Variants in PABPC4L observed in about 807,000 individuals in gnomAD.
PABPC4L encodes polyadenylate-binding protein 4-like.
For synonymous variants in PABPC4L, 169 were observed against 164.1 expected, an observed-to-expected ratio of 1.03 and a Z score of -0.23; for missense variants, 452 against 451.4, an observed-to-expected ratio of 1.00 and a Z score of -0.01.
the PABPC4L span, among the ~76,000 whole-genome samples, chr4:134,087,845 TAAATCTTTAGAGC>T: frequency 6.6e-6 from 1 of 152,136 alleles, no homozygotes; most frequent in African/African-American, 2.4e-5. Flanking sequence ...TAAAACATCA[TAAATCTTTAGAGC>T]AAGGCTTCTA....
At chr4:133,997,208 G>GTC in the PABPC4L span, among the ~76,000 whole-genome samples, 1 of 152,288 alleles carries the variant, frequency 6.6e-6, no homozygotes, top group Non-Finnish European at 1.5e-5. Context: ...AGAGTCAGGA[G>GTC]TCATACATCT....
At chr4:133,954,293 T>C in the PABPC4L span, among the ~76,000 whole-genome samples, 8 of 152,290 alleles carry the variant, frequency 5.3e-5, no homozygotes, top group East Asian at 1.5e-3. Flanking sequence ...TACTACGCTC[T>C]TTTTCTCCTT....
At chr4:134,084,298 C>CA in the PABPC4L span, among the ~76,000 whole-genome samples, 2 of 152,104 alleles carry the variant, frequency 1.3e-5, no homozygotes, top group African/African-American at 4.8e-5. Flanking sequence ...CCTCCCTCCT[C>CA]AGACTCCCAG....
the PABPC4L span, among the ~76,000 whole-genome samples, chr4:134,155,789 A>G: frequency 6.6e-6 from 1 of 151,982 alleles, no homozygotes; most frequent in Non-Finnish European, 1.5e-5. Flanking sequence ...TGTAATCTGA[A>G]TTTCTACACT....
the PABPC4L span, among the ~76,000 whole-genome samples, chr4:134,175,668 T>C: frequency 1.3e-5 from 2 of 152,102 alleles, no homozygotes; most frequent in Admixed American, 6.6e-5. Flanking sequence ...AGGCTTCTCT[T>C]GAATTCCTGG....
At chr4:134,077,347 G>A in the PABPC4L span, among the ~76,000 whole-genome samples, 1 of 152,098 alleles carries the variant, frequency 6.6e-6, no homozygotes, top group Non-Finnish European at 1.5e-5. Context: ...CCAGTAGTAA[G>A]ATTGTTTTAT....
the PABPC4L span, among the ~76,000 whole-genome samples, chr4:134,039,163 C>T: frequency 6.6e-6 from 1 of 152,062 alleles, no homozygotes; most frequent in Non-Finnish European, 1.5e-5. Flanking sequence ...TGAGTTCTAA[C>T]GTCACTGCAC....
At chr4:134,037,834 C>T in the PABPC4L span, among the ~76,000 whole-genome samples, 2 of 152,046 alleles carry the variant, frequency 1.3e-5, no homozygotes, top group African/African-American at 2.4e-5. Flanking sequence ...TGCCTGATTG[C>T]CCTGGCCAGA....
chr4:134,116,054 A>C, the PABPC4L span, among the ~76,000 whole-genome samples: 183 of 152,012 alleles, frequency 1.2e-3, no homozygotes, highest in African/African-American at 4.2e-3. Flanking sequence ...TTGCAGCATA[A>C]GTGGATTATC....
the PABPC4L span, among the ~76,000 whole-genome samples, chr4:134,100,661 T>C: frequency 1.3e-5 from 2 of 151,792 alleles, no homozygotes; most frequent in East Asian, 3.9e-4. Context: ...TATTCTGGGT[T>C]ATATAGTACT....
At chr4:134,118,701 T>G in the PABPC4L span, among the ~76,000 whole-genome samples, 3 of 151,802 alleles carry the variant, frequency 2.0e-5, no homozygotes. Context: ...TCAGAGAGAT[T>G]TCTCTTTTTT....
At chr4:134,167,823 C>T in the PABPC4L span, among the ~76,000 whole-genome samples, 2 of 151,940 alleles carry the variant, frequency 1.3e-5, no homozygotes, top group Admixed American at 6.6e-5. Flanking sequence ...GAGAGATAGG[C>T]CCCAATACAG....
chr4:134,018,942 C>G, the PABPC4L span, among the ~76,000 whole-genome samples: 2 of 152,016 alleles, frequency 1.3e-5, no homozygotes, highest in Non-Finnish European at 2.9e-5. Flanking sequence ...TTATAAAATG[C>G]TTGACTCACT....
At chr4:133,993,649 C>G in the PABPC4L span, among the ~76,000 whole-genome samples, 18 of 152,226 alleles carry the variant, frequency 1.2e-4, no homozygotes, top group African/African-American at 4.1e-4. Context: ...CTGGGCATTG[C>G]AGGATAATAT....
the PABPC4L span, among the ~76,000 whole-genome samples, chr4:134,053,204 T>C: frequency 6.6e-6 from 1 of 152,118 alleles, no homozygotes; most frequent in Non-Finnish European, 1.5e-5. Flanking sequence ...AAAAATAGAA[T>C]GTAATAAGCC....
the PABPC4L span, among the ~76,000 whole-genome samples, chr4:133,975,336 A>T: frequency 6.6e-6 from 1 of 152,100 alleles, no homozygotes; most frequent in East Asian, 1.9e-4. Context: ...GACTGGGGGA[A>T]GGGGAAATGT....
chr4:134,052,700 A>G, the PABPC4L span, among the ~76,000 whole-genome samples: 1 of 150,784 alleles, frequency 6.6e-6, no homozygotes, highest in Non-Finnish European at 1.5e-5. Context: ...CTCCAATTTA[A>G]AAAAAAAATG....
chr4:134,005,687 G>A, the PABPC4L span, among the ~76,000 whole-genome samples: 1 of 151,812 alleles, frequency 6.6e-6, no homozygotes, highest in African/African-American at 2.4e-5. Context: ...GGCAATCAGA[G>A]CTAAACAAAA....
the PABPC4L span, among the ~76,000 whole-genome samples, chr4:134,188,200 A>C: frequency 6.6e-6 from 1 of 152,012 alleles, no homozygotes. Flanking sequence ...AAACAACAAC[A>C]ACACTACCAC....
Sources: gnomAD v4.1 joint callset for allele counts (sites outside exome capture counted in the v4.1 genomes callset) on GRCh38, gnomAD v4.1.1 for gene constraint, MANE v1.5 for transcripts, NCBI Gene and HGNC (gene_info 2026-07-23, HGNC 2026-07-21) for gene names.